The following USP34 variants were observed in gnomAD, a reference collection of about 807,000 sequenced individuals.
USP34 encodes the protein ubiquitin specific peptidase 34.
In USP34, 70 loss-of-function variants were observed where a neutral mutation model predicts 460.3. That is an observed-to-expected ratio of 0.15 (90% CI 0.13 to 0.19). The LOEUF (loss-of-function observed/expected upper bound fraction) is 0.19, where lower values mean the gene tolerates loss of function less well. Among genes scored for constraint, USP34 ranks in the 10% least tolerant of loss-of-function variants. The pLI, the probability that USP34 is intolerant of heterozygous loss-of-function variation, is 1.00. For missense variants in USP34, 3,985 were observed against 4,236.2 expected, an observed-to-expected ratio of 0.94 and a Z score of 1.65; for synonymous variants, 1,647 against 1,405.3, an observed-to-expected ratio of 1.17 and a Z score of -3.85.
chr2:61,213,580 C>G (rs1408388327), intron 68 of USP34, among the ~76,000 whole-genome samples: 3 of 152,124 alleles, frequency 2.0e-5, no homozygotes, highest in African/African-American at 7.2e-5. Context: ...ATATATGTAT[C>G]TCGATTGATC....
Position 61,380,243 on chromosome 2 carries a change from T to C in USP34, c.940A>G (p.Ser314Gly), listed in dbSNP as rs774151271. Residue 314 changes from serine to glycine, a missense_variant, in exon 7 of 80, where the codon AGC (serine) becomes GGC (glycine). By Grantham distance (56) the Ser-to-Gly change is moderately conservative. Around this residue, in one of 14 missense-constraint regions of USP34, gnomAD observed 70 missense variants for 109.5 expected, o/e 0.64. Coordinates refer to ENST00000398571, the MANE Select transcript of USP34 (RefSeq NM_014709.4). ...AAGTACTTAAATGCAAGATCTAGGC[T>C]TTCTTTATCAAAGCATAATGTTGTA... The part of the protein sequence containing the change: ...LDTTLCFDKE[S>G]LDLAFKYFMS... 6.2e-7 allele frequency: 1 copy of C among 1,614,160 alleles called. No homozygotes were observed.
chr2:61,445,521 C>G (rs537870409), intron 1 of USP34, among the ~76,000 whole-genome samples: 4 of 118,214 alleles, frequency 3.4e-5, no homozygotes, highest in African/African-American at 1.3e-4. Flanking sequence ...GGCAACAGAT[C>G]GAGACTCCGT....
At chr2:61,308,570 A>T (rs1327476160) in intron 27 of USP34, among the ~76,000 whole-genome samples, 1 of 152,190 alleles carries the variant, frequency 6.6e-6, no homozygotes, top group East Asian at 1.9e-4. Flanking sequence ...TCTATGAACC[A>T]TTTCAAGAAA....
chr2:61,331,257 C>G lies in USP34; in HGVS notation c.2930+19G>C. The G allele has an allele frequency of 1.3e-6, 2 of 1,582,800 alleles. No individual in the cohort carries two copies. Among genetic ancestry groups the G allele is most frequent in the Non-Finnish European group, 1.7e-6 (2 of 1,159,700 alleles). ...AGACATCGACACAAATGTATTTAACCCAGTTGAGAGGTACTTACAGTGCAT... is the reference window on the plus strand; with the variant it reads ...AGACATCGACACAAATGTATTTAACGCAGTTGAGAGGTACTTACAGTGCAT... On this transcript the variant is annotated intron_variant, in intron 20 of 79. Transcript: ENST00000398571.
At position 61,327,800 on chromosome 2, in the gene USP34, C is replaced by A. The variant is rs576408595; in HGVS notation, c.2931-2343G>T. ...GAGAAAAATTCCTTGGGATGTCAGA[C>A]AAAGATGGTATCAATATTGACAAAT... is the stretch of plus-strand genomic sequence containing the variant. On this transcript the variant is annotated intron_variant, in intron 20 of 79. Coordinates refer to ENST00000398571, the MANE Select transcript of USP34 (RefSeq NM_014709.4). Among the ~76,000 whole-genome samples the A allele has an allele frequency of 3.3e-5, 5 of 152,226 alleles. No individual in the cohort carries two copies. The South Asian group carries it at 1.0e-3, about 32-fold the overall frequency.
chr2:61,312,315 G>T (rs535712657), intron 25 of USP34, among the ~76,000 whole-genome samples: 1 of 151,782 alleles, frequency 6.6e-6, no homozygotes, highest in Non-Finnish European at 1.5e-5. Flanking sequence ...AATTTTCAGG[G>T]ACAGAAACAT....
At chr2:61,253,194 G>A (rs576595239) in intron 48 of USP34, among the ~76,000 whole-genome samples, 2 of 152,314 alleles carry the variant, frequency 1.3e-5, no homozygotes, top group African/African-American at 4.8e-5. Context: ...GAACAAAAAT[G>A]ACTGACTACC....
At chr2:61,327,521 TA>T (rs1691132674) in intron 20 of USP34, among the ~76,000 whole-genome samples, 1 of 152,246 alleles carries the variant, frequency 6.6e-6, no homozygotes, top group Non-Finnish European at 1.5e-5. Context: ...TCTGCGGTTT[TA>T]CGTTACTGTA....
In USP34 at chr2:61,470,819, G is replaced by T. The variant is rs1164064178; in HGVS notation, c.-127C>A. The T allele has an allele frequency of 3.4e-6, 2 of 580,640 alleles. No homozygotes were observed. Among genetic ancestry groups the T allele is most frequent in the Non-Finnish European group, 5.9e-6 (2 of 338,424 alleles). The allele number at this position is 580,640 out of a possible 1,614,324, so 36.0% of individuals were successfully genotyped here. A position where few individuals can be genotyped will look rare whatever the true frequency, so the allele number is the denominator to read the frequency against. ...GGCGGGGCGGGGAGGCGACTAGGGC[G>T]GGCGGCGGCGGGGACGGGGCGGGGA... On this transcript the variant is annotated 5_prime_UTR_variant, in exon 1 of 80. Coordinates refer to ENST00000398571, the MANE Select transcript of USP34 (RefSeq NM_014709.4).
At chr2:61,286,706 G>A (rs950156075) in intron 34 of USP34, among the ~76,000 whole-genome samples, 22 of 152,008 alleles carry the variant, frequency 1.4e-4, no homozygotes, top group Admixed American at 9.8e-4. Context: ...TCTCTGAAAA[G>A]ATAACACGAA....
intron 10 of USP34, among the ~76,000 whole-genome samples, chr2:61,368,150 C>T (rs902427358): frequency 6.6e-6 from 1 of 152,132 alleles, no homozygotes; most frequent in Non-Finnish European, 1.5e-5. Context: ...ATGGGCACGT[C>T]AGGCCGGGCC....
intron 57 of USP34, among the ~76,000 whole-genome samples, chr2:61,235,308 G>T (rs1229626709): frequency 7.0e-6 from 1 of 142,458 alleles, no homozygotes; most frequent in African/African-American, 2.6e-5. Flanking sequence ...GTAGATGAAG[G>T]GGGGAAAAAA....
chr2:61,313,178 CAACATT>C (rs1690646943), intron 25 of USP34, among the ~76,000 whole-genome samples: 1 of 151,694 alleles, frequency 6.6e-6, no homozygotes, highest in East Asian at 1.9e-4. Flanking sequence ...TATTTAACAT[CAACATT>C]AACTTTTAGC....
intron 33 of USP34, among the ~76,000 whole-genome samples, chr2:61,292,615 A>G (rs938640594): frequency 6.6e-6 from 1 of 152,192 alleles, no homozygotes; most frequent in African/African-American, 2.4e-5. Context: ...CTTGATGTCA[A>G]ATCATTATAC....
chr2:61,246,464 G>A lies in USP34; in HGVS notation c.6408C>T (p.Val2136=). 1 of 1,561,678 alleles carries A rather than the reference G, an allele frequency of 6.4e-7. No individual in the cohort carries two copies. ...KSERKEGFKE[V]SDHSKDSESY... is the part of the protein sequence containing the mutation. ...TCTCTGAGTCTTTTGAATGATCACTGACTTCTTTAAAACCTGAAATGATTT... is the reference window on the plus strand; with the variant it reads ...TCTCTGAGTCTTTTGAATGATCACTAACTTCTTTAAAACCTGAAATGATTT... The change falls in exon 50 of 80, where the codon GTC becomes GTT. Residue 2136 remains valine (V), a synonymous_variant. Coordinates refer to ENST00000398571, the MANE Select transcript of USP34 (RefSeq NM_014709.4).
At chr2:61,294,028 TAAAAC>T (rs1689942188) in intron 32 of USP34, among the ~76,000 whole-genome samples, 1 of 150,184 alleles carries the variant, frequency 6.7e-6, no homozygotes, top group African/African-American at 2.5e-5. Flanking sequence ...CAAAACAAAA[TAAAAC>T]AAACAAGAAT....
Position 61,406,098 on chromosome 2 carries a change from C to T in USP34, c.162G>A (p.Lys54=), listed in dbSNP as rs1391545475. Residue 54 remains lysine (K), a synonymous_variant, in exon 3 of 80, where the codon AAG becomes AAA. Transcript: ENST00000398571. The part of the protein sequence containing the change: ...RQCLCCFKEY[K]HLEIFNQVVC... Reference sequence around the variant, plus strand: ...CTACTTGATTAAAAATCTCCAAATGCTTATATTCCTTGAAGCAGCATAGAC... The same window carrying T: ...CTACTTGATTAAAAATCTCCAAATGTTTATATTCCTTGAAGCAGCATAGAC... 1 of 1,611,290 alleles carries T rather than the reference C, an allele frequency of 6.2e-7. No homozygotes were observed. Among genetic ancestry groups the T allele is most frequent in the Non-Finnish European group, 8.5e-7 (1 of 1,179,152 alleles).
Position 61,296,944 on chromosome 2 carries a change from C to T in USP34, c.4129-19G>A, listed in dbSNP as rs148855732. The T allele has an allele frequency of 1.0e-4, 164 of 1,598,570 alleles. No individual in the cohort carries two copies. In the African/African-American group the frequency reaches 1.3e-3, roughly 12 times the overall value. On this transcript the variant is annotated intron_variant, in intron 29 of 79. Coordinates refer to ENST00000398571, the MANE Select transcript of USP34 (RefSeq NM_014709.4). ...GTAAGCTCTACACAAATAAGAACAA[C>T]TACTTTATCAAAACAGATCAGAAAA... is the stretch of plus-strand genomic sequence containing the variant.
At chr2:61,263,962 A>G (rs922521102) in intron 43 of USP34, among the ~76,000 whole-genome samples, 1 of 152,172 alleles carries the variant, frequency 6.6e-6, no homozygotes, top group Non-Finnish European at 1.5e-5. Flanking sequence ...ACTAATTCCT[A>G]GAAGTGTTAA....
Sources: gnomAD v4.1 joint callset for allele counts (sites outside exome capture counted in the v4.1 genomes callset) on GRCh38, gnomAD v4.1.1 for gene constraint, gnomAD v4.1.1 regional missense constraint, MANE v1.5 for transcripts, NCBI Gene and HGNC (gene_info 2026-07-23, HGNC 2026-07-21) for gene names.